Variants in MSL2 observed in about 807,000 individuals in gnomAD.
MSL2 encodes MSL complex subunit 2.
Under a neutral mutation model 35.8 loss-of-function variants are expected in MSL2, and 2 were observed. That is an observed-to-expected ratio of 0.06 (90% CI 0.02 to 0.18). MSL2 has a LOEUF of 0.18. MSL2 is among the 10% of genes least tolerant of loss of function. MSL2 has a pLI of 1.00. For missense variants in MSL2, 523 were observed against 706.7 expected, an observed-to-expected ratio of 0.74 and a Z score of 2.95; for synonymous variants, 296 against 255.7, an observed-to-expected ratio of 1.16 and a Z score of -1.50.
rs767910588 is a variant in MSL2 at position 136,151,941 on chromosome 3, T to C, written c.940A>G (p.Asn314Asp). ...LQLSSQSLSH[N>D]VFMSTSPALH... The stretch of plus-strand genomic sequence containing the variant: ...GCAGGACTGGTGGACATAAAAACAT[T>C]ATGGCTAAGAGACTGGGAAGAAAGC... The change falls in exon 2 of 2, where the codon AAT (asparagine) becomes GAT (aspartate). Residue 314 changes from asparagine to aspartate, a missense_variant. Around this residue, in one of 5 missense-constraint regions of MSL2, gnomAD observed 361 missense variants for 414.6 expected, o/e 0.87. Transcript: ENST00000309993. This position sits in a 1 kb window ranked among gnomAD's most constrained non-coding sequence, Gnocchi z 5.2. 2.5e-6 allele frequency: 4 copies of C among 1,614,190 alleles called. No individual in the cohort carries two copies. The highest frequency in any genetic ancestry group is 2.2e-5 in the East Asian group (1 of 44,890).
At chr3:136,192,941 C>T (rs1377517577) in intron 1 of MSL2, among the ~76,000 whole-genome samples, 2 of 152,052 alleles carry the variant, frequency 1.3e-5, no homozygotes, top group Non-Finnish European at 2.9e-5. Flanking sequence ...CATAGACTTA[C>T]GTCCAAAGAG....
chr3:136,167,441 A>C (rs1481625809), intron 1 of MSL2, among the ~76,000 whole-genome samples: 1 of 152,160 alleles, frequency 6.6e-6, no homozygotes, highest in Non-Finnish European at 1.5e-5. Context: ...CATATGCACA[A>C]AAAAAATTCT....
At chr3:136,156,831 G>A (rs893238419) in intron 1 of MSL2, among the ~76,000 whole-genome samples, 1 of 152,116 alleles carries the variant, frequency 6.6e-6, no homozygotes, top group Non-Finnish European at 1.5e-5. Flanking sequence ...CTCCAGCCTG[G>A]GCGACAGAGC....
intron 1 of MSL2, among the ~76,000 whole-genome samples, chr3:136,191,794 G>T (rs1157653775): frequency 6.6e-6 from 1 of 152,136 alleles, no homozygotes. Flanking sequence ...TTTTCAAACC[G>T]CTTAAAAATA....
intron 1 of MSL2, among the ~76,000 whole-genome samples, chr3:136,167,806 A>G (rs1231985976): frequency 1.3e-5 from 2 of 152,198 alleles, no homozygotes; most frequent in Non-Finnish European, 2.9e-5. Context: ...AAATATTTGG[A>G]ATGGAAAAAA....
In MSL2 at chr3:136,152,355, G is replaced by C. The variant is rs760165738; in HGVS notation, c.526C>G (p.Pro176Ala). 1.2e-6 allele frequency: 2 copies of C among 1,614,218 alleles called. No homozygotes were observed. The highest frequency in any genetic ancestry group is 1.7e-6 in the Non-Finnish European group (2 of 1,180,038). Residue 176 changes from proline to alanine, a missense_variant, in exon 2 of 2, where the codon CCA becomes GCA. Pro to Ala is a conservative substitution (Grantham distance 27). Around this residue, in one of 5 missense-constraint regions of MSL2, gnomAD observed 361 missense variants for 414.6 expected, o/e 0.87. Transcript: ENST00000309993. ...ATGCTGAGGGTGCTTTCAGACATTG[G>C]AGATAAACTAGCTTGAGGATCAGTT... ...PTTDPQASLS[P>A]MSESTLSIAI...
At chr3:136,156,636 A>T (rs1419574040) in intron 1 of MSL2, among the ~76,000 whole-genome samples, 2 of 152,132 alleles carry the variant, frequency 1.3e-5, no homozygotes, top group Admixed American at 6.5e-5. Flanking sequence ...AGGCCAAGGC[A>T]GGCGGATCAC....
At chr3:136,178,325 A>G (rs1043198026) in intron 1 of MSL2, among the ~76,000 whole-genome samples, 1 of 152,228 alleles carries the variant, frequency 6.6e-6, no homozygotes, top group African/African-American at 2.4e-5. Flanking sequence ...TTAATTAGGC[A>G]AAATTAAGTT....
At position 136,152,170 on chromosome 3, in the gene MSL2, G is replaced by A. The variant is rs770646164; in HGVS notation, c.711C>T (p.Pro237=). The change falls in exon 2 of 2, where the codon CCC becomes CCT. Residue 237 remains proline (P), a synonymous_variant. Transcript: ENST00000309993. The stretch of plus-strand genomic sequence containing the variant: ...AGTCAGTGGCTACTGTGTCACAAAC[G>A]GGTGGCAGGCTGTCAGACAGATCCT... ...KTEDLSDSLP[P]VCDTVATDLC... 12 of 1,613,986 alleles carry A rather than the reference G, an allele frequency of 7.4e-6. No homozygotes were observed. Among genetic ancestry groups the A allele is most frequent in the South Asian group, 4.4e-5 (4 of 91,088 alleles).
chr3:136,154,782 G>A (rs1939472244), intron 1 of MSL2, among the ~76,000 whole-genome samples: 2 of 152,268 alleles, frequency 1.3e-5, no homozygotes, highest in South Asian at 2.1e-4. Flanking sequence ...CTTAAGCTAG[G>A]CACAGTGGCA....
intron 1 of MSL2, among the ~76,000 whole-genome samples, chr3:136,176,225 A>G (rs1476719693): frequency 6.6e-6 from 1 of 152,160 alleles, no homozygotes. Flanking sequence ...AAAACTTTTC[A>G]GTGGCCGGCT....
intron 1 of MSL2, among the ~76,000 whole-genome samples, chr3:136,193,719 A>C (rs1161841714): frequency 6.6e-6 from 1 of 152,156 alleles, no homozygotes; most frequent in Non-Finnish European, 1.5e-5. Flanking sequence ...ATCATTTTAC[A>C]CATCAAGAAA....
intron 1 of MSL2, among the ~76,000 whole-genome samples, chr3:136,189,725 A>T (rs899822151): frequency 2.0e-5 from 3 of 148,662 alleles, no homozygotes; most frequent in African/African-American, 7.7e-5. Flanking sequence ...CCGTCTCAAA[A>T]AAAAAAAAAA....
chr3:136,162,420 A>C (rs1939735136), intron 1 of MSL2, among the ~76,000 whole-genome samples: 1 of 152,054 alleles, frequency 6.6e-6, no homozygotes, highest in South Asian at 2.1e-4. Flanking sequence ...CATCTCTACA[A>C]AAAATAAAAA....
At chr3:136,184,613 A>C (rs552543581) in intron 1 of MSL2, among the ~76,000 whole-genome samples, 2 of 152,092 alleles carry the variant, frequency 1.3e-5, no homozygotes, top group South Asian at 4.2e-4. Context: ...AAAAAAACAA[A>C]CAAACAAAAA....
At chr3:136,163,119 C>T (rs1420667206) in intron 1 of MSL2, among the ~76,000 whole-genome samples, 1 of 151,966 alleles carries the variant, frequency 6.6e-6, no homozygotes, top group Non-Finnish European at 1.5e-5. Context: ...ATTAGCTGGG[C>T]ATGGTGGTGG....
chr3:136,180,792 G>T (rs868702312), intron 1 of MSL2, among the ~76,000 whole-genome samples: 1 of 37,672 alleles, frequency 2.7e-5, no homozygotes, highest in Admixed American at 2.4e-4. Flanking sequence ...GAGGGAGGGA[G>T]GGAGGGAGGG....
At position 136,152,866 on chromosome 3, in the gene MSL2, G is replaced by A. The variant is rs571930421; in HGVS notation, c.143-128C>T. 2.1e-6 allele frequency: 3 copies of A among 1,445,854 alleles called. No homozygotes were observed. The African/African-American group carries it at 4.3e-5, about 21-fold the overall frequency. The allele number at this position is 1,445,854 out of a possible 1,614,324, so 89.6% of individuals were successfully genotyped here. ...ATTAAACTCACTAGACCAGATAACA[G>A]AAAATATATCTTAGAAGAAACGGAA... is the stretch of plus-strand genomic sequence containing the variant. On this transcript the variant is annotated intron_variant, in intron 1 of 1. Transcript: ENST00000309993.
chr3:136,169,800 A>G (rs73222236), intron 1 of MSL2, among the ~76,000 whole-genome samples: 55,559 of 151,342 alleles, frequency 0.37, 11,362 homozygotes, highest in African/African-American at 0.55. Flanking sequence ...CTGGCCAGGC[A>G]CGCTCCAGCA....
Sources: gnomAD v4.1 joint callset for allele counts (sites outside exome capture counted in the v4.1 genomes callset) on GRCh38, gnomAD v4.1.1 for gene constraint, gnomAD v4.1.1 regional missense constraint, Gnocchi (gnomAD v3.1) non-coding constraint, MANE v1.5 for transcripts, NCBI Gene and HGNC (gene_info 2026-07-23, HGNC 2026-07-21) for gene names.